MARK4: variants seen among roughly 807,000 people sequenced by gnomAD.
The protein encoded by MARK4 is microtubule affinity regulating kinase 4.
Under a neutral mutation model 81.5 loss-of-function variants are expected in MARK4, and 19 were observed. The ratio of observed to expected loss-of-function variants is 0.23; its 90% CI spans 0.16 to 0.34. The LOEUF (loss-of-function observed/expected upper bound fraction) is 0.34. Among genes scored for constraint, MARK4 ranks in the 10% least tolerant of loss-of-function variants. MARK4 has a pLI of 1.00. For synonymous variants in MARK4, 436 were observed against 439.0 expected, an observed-to-expected ratio of 0.99 and a Z score of 0.08; for missense variants, 772 against 1,058.8, an observed-to-expected ratio of 0.73 and a Z score of 3.76.
chr19:45,282,798 T>A (rs1970693433), intron 12 of MARK4, among the ~76,000 whole-genome samples: 1 of 152,036 alleles, frequency 6.6e-6, no homozygotes, highest in South Asian at 2.1e-4. Flanking sequence ...CACTCCAGCC[T>A]GGGCCACAGA....
chr19:45,273,272 G>A (rs1970554679), intron 8 of MARK4, among the ~76,000 whole-genome samples: 1 of 152,188 alleles, frequency 6.6e-6, no homozygotes, highest in African/African-American at 2.4e-5. Flanking sequence ...TGCTCTATCT[G>A]TCTGTATTTG....
chr19:45,266,879 C>G (rs946209361), intron 7 of MARK4, among the ~76,000 whole-genome samples: 7 of 151,254 alleles, frequency 4.6e-5, no homozygotes, highest in Non-Finnish European at 8.8e-5. Context: ...ACTACAGGCG[C>G]CCGCCACCAA....
intron 13 of MARK4, among the ~76,000 whole-genome samples, chr19:45,289,011 C>T (rs1435708781): frequency 6.6e-6 from 1 of 152,138 alleles, no homozygotes; most frequent in Non-Finnish European, 1.5e-5. Flanking sequence ...CTGGTCACGG[C>T]AGGTTACTAC....
chr19:45,294,225 C>G, intron 13 of MARK4, 124 bp from the exon 14 acceptor site: 1 of 828,168 alleles, frequency 1.2e-6, no homozygotes, highest in African/African-American at 1.7e-5. Context: ...ATCTCCTACT[C>G]ACCCTGGGTT....
At chr19:45,266,398 C>A in intron 7 of MARK4, 117 bp downstream of exon 7, 3 of 951,450 alleles carry the variant, frequency 3.2e-6, no homozygotes, top group Non-Finnish European at 5.1e-6. Flanking sequence ...CCCTTTTCTC[C>A]TCCTGCTCTT....
At chr19:45,293,346 C>A (rs933674050) in intron 13 of MARK4, among the ~76,000 whole-genome samples, 1 of 152,134 alleles carries the variant, frequency 6.6e-6, no homozygotes, top group Non-Finnish European at 1.5e-5. Context: ...ACATGAATCA[C>A]CAGTATCCAC....
At chr19:45,299,907 A>G (rs1243343254) in intron 16 of MARK4, 52 bp downstream of exon 16, 3 of 1,539,784 alleles carry the variant, frequency 1.9e-6, no homozygotes, top group Admixed American at 1.8e-5. Context: ...CTGCCTCAGC[A>G]CCTCCCGACA....
chr19:45,283,542 C>G (rs936622861), intron 12 of MARK4, among the ~76,000 whole-genome samples: 3 of 152,082 alleles, frequency 2.0e-5, no homozygotes, highest in African/African-American at 7.2e-5. Flanking sequence ...CGATGTGTGG[C>G]CTTCAGTGAC....
chr19:45,283,788 G>A (rs386569), intron 12 of MARK4, among the ~76,000 whole-genome samples: 105,164 of 151,932 alleles, frequency 0.69, 37,640 homozygotes, highest in African/African-American at 0.81. Context: ...TCTTGGGTAC[G>A]TATCTGGGAG....
At chr19:45,278,180 G>C (rs539679358) in intron 9 of MARK4, 138 bp downstream of exon 9, 1 of 1,276,554 alleles carries the variant, frequency 7.8e-7, no homozygotes, top group African/African-American at 1.5e-5. Flanking sequence ...CTGGTGAGTG[G>C]GGGTAGACAG....
chr19:45,294,316 C>T (rs746554292), intron 13 of MARK4, 33 bp from the exon 14 acceptor site: 1 of 1,597,914 alleles, frequency 6.3e-7, no homozygotes, highest in South Asian at 1.1e-5. Context: ...TGTCTTCACC[C>T]CCTCACTCCC....
chr19:45,296,437 C>G (rs969843084), intron 14 of MARK4, among the ~76,000 whole-genome samples: 6 of 152,210 alleles, frequency 3.9e-5, no homozygotes, highest in African/African-American at 1.2e-4. Flanking sequence ...GCCATCATTT[C>G]CCAATCAGGA....
chr19:45,298,881 G>T (rs778265192), intron 15 of MARK4, among the ~76,000 whole-genome samples: 9 of 151,934 alleles, frequency 5.9e-5, no homozygotes, highest in Non-Finnish European at 1.3e-4. Flanking sequence ...TTCAAGACCA[G>T]CCTGGACAAC....
At chr19:45,298,261 T>C (rs1180637497) in intron 15 of MARK4, 1 of 1,599,762 alleles carries the variant, frequency 6.3e-7, no homozygotes, top group Non-Finnish European at 8.6e-7. Context: ...TGGCTCTGCC[T>C]CCCTGCCTGC....
intron 7 of MARK4, 144 bp downstream of exon 7, chr19:45,266,425 C>G: frequency 5.4e-6 from 4 of 741,032 alleles, no homozygotes; most frequent in South Asian, 4.9e-5. Flanking sequence ...ACACCCAGCA[C>G]CCCCTTGACC....
intron 12 of MARK4, among the ~76,000 whole-genome samples, chr19:45,283,960 T>C (rs1008633666): frequency 1.3e-5 from 2 of 152,184 alleles, no homozygotes; most frequent in Non-Finnish European, 2.9e-5. Context: ...ATCTTTTTTT[T>C]CTCTGTCTTA....
At chr19:45,279,838 C>T (rs1330565856) in intron 10 of MARK4, among the ~76,000 whole-genome samples, 2 of 152,204 alleles carry the variant, frequency 1.3e-5, no homozygotes, top group African/African-American at 2.4e-5. Flanking sequence ...AGATCTGGGT[C>T]ACATGCCTTC....
chr19:45,288,894 C>CA (rs1306731341), intron 13 of MARK4, among the ~76,000 whole-genome samples: 1 of 151,630 alleles, frequency 6.6e-6, no homozygotes, highest in Non-Finnish European at 1.5e-5. Context: ...GCAGCTTCCC[C>CA]AGCTCCTCAG....
At chr19:45,278,686 C>A in intron 10 of MARK4, 71 bp downstream of exon 10, 1 of 1,124,888 alleles carries the variant, frequency 8.9e-7, no homozygotes, top group Non-Finnish European at 1.3e-6. Flanking sequence ...TCACTGCAAC[C>A]TCCGCCTCCC....
Sources: allele counts gnomAD v4.1 joint callset (sites outside exome capture counted in the v4.1 genomes callset), GRCh38; gene constraint gnomAD v4.1.1; transcripts MANE v1.5; gene names NCBI Gene and HGNC (gene_info 2026-07-23, HGNC 2026-07-21).